The following THSD7B variants were observed in gnomAD, a reference collection of about 807,000 sequenced individuals.
The protein encoded by THSD7B is thrombospondin type 1 domain containing 7B, also known as thrombospondin type-1 domain-containing protein 7B.
THSD7B carries 138 observed loss-of-function variants against 213.6 expected under a neutral mutation model. That is an observed-to-expected ratio of 0.65 (90% CI 0.56 to 0.74). The LOEUF (loss-of-function observed/expected upper bound fraction) is 0.74, where lower values mean the gene tolerates loss of function less well. Among genes scored for constraint, THSD7B ranks in the 30% least tolerant of loss-of-function variants. THSD7B has a pLI of 0.00. For missense variants in THSD7B, 1,931 were observed against 1,991.5 expected (o/e 0.97, Z 0.58); for synonymous variants, 742 against 687.0 (o/e 1.08, Z -1.25).
chr2:136,991,042 G>A (rs1685772216), intron 2 of THSD7B: 6 of 940,418 alleles, frequency 6.4e-6, no homozygotes, highest in Non-Finnish European at 8.9e-6. Context: ...AAGAAAGATG[G>A]TTATGTGTTA....
In THSD7B at chr2:137,023,350, G is replaced by A. The variant is rs568928628; in HGVS notation, c.140-33070G>A. Among the ~76,000 whole-genome samples the A allele has an allele frequency of 9.2e-5, 14 of 152,210 alleles. No individual in the cohort carries two copies. The South Asian group carries it at 2.9e-3, about 32-fold the overall frequency. On this transcript the variant is annotated intron_variant, in intron 2 of 27. Transcript: ENST00000409968. ...GCACCAGACACCGGGGGAGGTGTCTGGTAGCTTCCAGGGTTTCTCTTTGCT... is the reference window on the plus strand; with the variant it reads ...GCACCAGACACCGGGGGAGGTGTCTAGTAGCTTCCAGGGTTTCTCTTTGCT...
chr2:137,291,841 C>G (rs957571326), intron 12 of THSD7B, among the ~76,000 whole-genome samples: 2 of 152,140 alleles, frequency 1.3e-5, no homozygotes, highest in African/African-American at 4.8e-5. Flanking sequence ...AGGTGCCACT[C>G]TATGAATTTA....
intron 12 of THSD7B, among the ~76,000 whole-genome samples, chr2:137,371,032 A>T (rs1367187512): frequency 6.6e-6 from 1 of 152,054 alleles, no homozygotes; most frequent in African/African-American, 2.4e-5. Flanking sequence ...AACAAACAAA[A>T]TTTTTTACTA....
intron 12 of THSD7B, among the ~76,000 whole-genome samples, chr2:137,345,985 G>A (rs571582651): frequency 2.0e-4 from 31 of 151,664 alleles, no homozygotes; most frequent in Admixed American, 2.0e-3. Context: ...AATAGGGGAG[G>A]GAGCTTGCCC....
At chr2:137,136,146 T>TG (rs1172101517) in intron 5 of THSD7B, among the ~76,000 whole-genome samples, 2 of 151,914 alleles carry the variant, frequency 1.3e-5, no homozygotes, top group African/African-American at 4.8e-5. Context: ...CAGGGCCTGC[T>TG]GGGGGGTGAG....
At chr2:137,481,837 A>C (rs577642953) in intron 15 of THSD7B, among the ~76,000 whole-genome samples, 11 of 152,278 alleles carry the variant, frequency 7.2e-5, no homozygotes, top group African/African-American at 2.6e-4. Flanking sequence ...GATGCTTATA[A>C]TTTTAAATGG....
At position 137,137,802 on chromosome 2, in the gene THSD7B, C is replaced by T. The variant is rs148276587; in HGVS notation, c.1370-22411C>T. Among the ~76,000 whole-genome samples the T allele has an allele frequency of 1.8e-3, 268 of 152,018 alleles. 1 individual carries two copies. Among genetic ancestry groups the T allele is most frequent in the Admixed American group, 2.6e-3 (40 of 15,240 alleles). On this transcript the variant is annotated intron_variant, in intron 5 of 27. Coordinates refer to ENST00000409968, the MANE Select transcript of THSD7B (RefSeq NM_001316349.2). ...TTATCCTTTCATTCTGAGTAATATTCCATTGTATGAATATGGCAGTTTACT... is the reference window on the plus strand; with the variant it reads ...TTATCCTTTCATTCTGAGTAATATTTCATTGTATGAATATGGCAGTTTACT...
chr2:137,379,067 G>A (rs1685720502), intron 12 of THSD7B, among the ~76,000 whole-genome samples: 1 of 152,136 alleles, frequency 6.6e-6, no homozygotes, highest in Non-Finnish European at 1.5e-5. Context: ...GAGGGCTACA[G>A]GGCTCAACAA....
At chr2:137,047,919 T>A (rs937313384) in intron 2 of THSD7B, among the ~76,000 whole-genome samples, 2 of 152,204 alleles carry the variant, frequency 1.3e-5, no homozygotes, top group Admixed American at 6.5e-5. Context: ...TATTTGTTTT[T>A]TTATTATACT....
At chr2:137,496,516 T>G (rs2105129480) in intron 15 of THSD7B, among the ~76,000 whole-genome samples, 1 of 152,324 alleles carries the variant, frequency 6.6e-6, no homozygotes, top group East Asian at 1.9e-4. Context: ...TATAGCCAGC[T>G]TTTATTATGT....
intron 15 of THSD7B, among the ~76,000 whole-genome samples, chr2:137,546,385 AT>A (rs1289870610): frequency 5.8e-5 from 2 of 34,718 alleles, no homozygotes; most frequent in African/African-American, 1.7e-4. Flanking sequence ...TAATATATAT[AT>A]TATATATATT....
At chr2:137,481,959 C>T (rs1462026464) in intron 15 of THSD7B, among the ~76,000 whole-genome samples, 9 of 152,098 alleles carry the variant, frequency 5.9e-5, no homozygotes, top group Admixed American at 3.9e-4. Context: ...AGGCGGATCA[C>T]GAGGTCAGGA....
chr2:137,448,647 A>T (rs1687588667), intron 14 of THSD7B, among the ~76,000 whole-genome samples: 1 of 152,130 alleles, frequency 6.6e-6, no homozygotes, highest in Admixed American at 6.5e-5. Context: ...AATACAAAAA[A>T]AATTAGCCGG....
intron 2 of THSD7B, among the ~76,000 whole-genome samples, chr2:136,998,938 A>T (rs1685950298): frequency 6.6e-6 from 1 of 151,256 alleles, no homozygotes; most frequent in African/African-American, 2.4e-5. Context: ...ACACACACAC[A>T]CACACACACA....
Position 137,156,776 on chromosome 2 carries a change from A to G in THSD7B, c.1370-3437A>G, listed in dbSNP as rs115192061. On this transcript the variant is annotated intron_variant, in intron 5 of 27. Coordinates refer to ENST00000409968, the MANE Select transcript of THSD7B (RefSeq NM_001316349.2). ...CCCGCACAGACATGCTGGGAGCTTC[A>G]GATACACTGTAGTGCTTGCCTACTG... Among the ~76,000 whole-genome samples, 336 of 152,280 alleles carry G rather than the reference A, an allele frequency of 2.2e-3. 4 individuals carry two copies. The highest frequency in any genetic ancestry group is 7.6e-3 in the African/African-American group (315 of 41,564).
At chr2:137,610,925 A>G (rs1272075507) in intron 17 of THSD7B, among the ~76,000 whole-genome samples, 2 of 151,196 alleles carry the variant, frequency 1.3e-5, no homozygotes, top group East Asian at 3.9e-4. Context: ...GTGAACATCT[A>G]CTTCTTTTTA....
intron 12 of THSD7B, among the ~76,000 whole-genome samples, chr2:137,390,253 T>C (rs1221408773): frequency 1.3e-5 from 2 of 152,182 alleles, no homozygotes; most frequent in African/African-American, 4.8e-5. Flanking sequence ...CTTATAGAGT[T>C]AGTTCACCTC....
intron 7 of THSD7B, among the ~76,000 whole-genome samples, chr2:137,230,300 A>G (rs1037576346): frequency 3.3e-5 from 5 of 152,242 alleles, no homozygotes; most frequent in African/African-American, 1.2e-4. Flanking sequence ...ATGATATGGT[A>G]TCAAAGGATT....
chr2:137,557,993 C>A (rs1032894952), intron 15 of THSD7B, among the ~76,000 whole-genome samples: 21 of 152,234 alleles, frequency 1.4e-4, no homozygotes, highest in Middle Eastern at 3.4e-3. Context: ...GACACATATA[C>A]CCTCCCAAGA....
Sources: allele counts gnomAD v4.1 joint callset (sites outside exome capture counted in the v4.1 genomes callset), GRCh38; gene constraint gnomAD v4.1.1; transcripts MANE v1.5; gene names NCBI Gene and HGNC (gene_info 2026-07-23, HGNC 2026-07-21).